FAAH2: variants seen among roughly 807,000 people sequenced by gnomAD.
FAAH2 encodes the protein fatty acid amide hydrolase 2.
Under a neutral mutation model 36.9 loss-of-function variants are expected in FAAH2, and 60 were observed. The observed-to-expected ratio is 1.63, with a 90% CI of 1.32 to 2.02. The LOEUF is 2.02. FAAH2 is among the 30% of genes most tolerant of loss of function. The probability of loss-of-function intolerance (pLI) is 0.00; values close to 1 mark genes in which losing one functional copy is unlikely to be tolerated. For synonymous variants in FAAH2, 214 were observed against 143.8 expected (o/e 1.49, Z -3.49); for missense variants, 689 against 397.5 (o/e 1.73, Z -6.23).
intron 10 of FAAH2, among the ~76,000 whole-genome samples, chrX:57,457,019 T>C (rs1438566861): frequency 9.0e-6 from 1 of 111,472 alleles, no homozygotes; most frequent in African/African-American, 3.3e-5. Context: ...CAAGTCAATA[T>C]CCCTGATGAA....
At chrX:57,147,070 C>T in the FAAH2 span, among the ~76,000 whole-genome samples, 1 of 111,397 alleles carries the variant, frequency 9.0e-6, no homozygotes, top group African/African-American at 3.3e-5. Flanking sequence ...TAGGGTGATA[C>T]TCACTTCACA....
Position 57,331,104 on chromosome X carries a change from G to A in FAAH2, c.413-494G>A, listed in dbSNP as rs1368780733. 6.3e-5 allele frequency among the ~76,000 whole-genome samples: 7 copies of A among 111,477 alleles called. No homozygotes were observed. The Admixed American group carries it at 6.7e-4, about 11-fold the overall frequency. On this transcript the variant is annotated intron_variant, in intron 3 of 10. Coordinates refer to ENST00000374900, the MANE Select transcript of FAAH2 (RefSeq NM_174912.4). Reference sequence around the variant, plus strand: ...CCTGTGGGAGCCAGTCTAGCCTAGGGGCATGGGCAACCCTTGTTGTGCTCC... The same window carrying A: ...CCTGTGGGAGCCAGTCTAGCCTAGGAGCATGGGCAACCCTTGTTGTGCTCC...
chrX:57,443,023 C>T (rs780591104), intron 8 of FAAH2, among the ~76,000 whole-genome samples: 23 of 112,023 alleles, frequency 2.1e-4, no homozygotes, highest in African/African-American at 7.1e-4. Flanking sequence ...CCCGACCTTT[C>T]TCTCTGTCTG....
At chrX:57,200,256 G>T in the FAAH2 span, among the ~76,000 whole-genome samples, 1 of 107,909 alleles carries the variant, frequency 9.3e-6, no homozygotes, top group African/African-American at 3.4e-5. Context: ...GTATGTTTTT[G>T]GTTTGGGATT....
chrX:57,249,576 A>T, the FAAH2 span, among the ~76,000 whole-genome samples: 1 of 112,051 alleles, frequency 8.9e-6, no homozygotes, highest in Non-Finnish European at 1.9e-5. Flanking sequence ...AAGTGCTGAA[A>T]AAAATCTTGT....
chrX:57,466,148 C>CTATATATATATA (rs1346302535), intron 10 of FAAH2, among the ~76,000 whole-genome samples: 1 of 78,525 alleles, frequency 1.3e-5, no homozygotes, highest in African/African-American at 5.8e-5. Context: ...CTCTCTCTCT[C>CTATATATATATA]TCTCTCTCTA....
intron 10 of FAAH2, among the ~76,000 whole-genome samples, chrX:57,463,462 T>A (rs1200773057): frequency 9.0e-6 from 1 of 111,010 alleles, no homozygotes; most frequent in Non-Finnish European, 1.9e-5. Context: ...AAAACAGATA[T>A]ATAGACCAAT....
intron 7 of FAAH2, among the ~76,000 whole-genome samples, chrX:57,416,553 G>T (rs2055848135): frequency 8.9e-6 from 1 of 111,898 alleles, no homozygotes; most frequent in Non-Finnish European, 1.9e-5. Flanking sequence ...GCTGAATATT[G>T]GCCCCCACTC....
At position 57,331,797 on chromosome X, in the gene FAAH2, T is replaced by C. The variant is rs763102326; in HGVS notation, c.612T>C (p.Gly204=). 3.3e-6 allele frequency: 4 copies of C among 1,208,604 alleles called. No homozygotes were observed. Among genetic ancestry groups the C allele is most frequent in the African/African-American group, 1.8e-5 (1 of 57,135 alleles). Residue 204 remains glycine (G), a synonymous_variant, in exon 4 of 11, where the codon GGT becomes GGC. Coordinates refer to ENST00000374900, the MANE Select transcript of FAAH2 (RefSeq NM_174912.4). ...NNPYDLQHIV[G]GSSGGEGCTL... The stretch of plus-strand genomic sequence containing the variant: ...CATATGATTTACAGCATATTGTAGG[T>C]GGAAGTTCTGGTGAGTTGGACATTT...
chrX:57,439,132 G>C (rs1041073902), intron 8 of FAAH2, among the ~76,000 whole-genome samples: 5 of 110,182 alleles, frequency 4.5e-5, no homozygotes, highest in African/African-American at 1.7e-4. Context: ...TGGGATGGCT[G>C]GGTCAAATGG....
chrX:57,332,098 G>A (rs1046551730), intron 4 of FAAH2, among the ~76,000 whole-genome samples: 1 of 112,373 alleles, frequency 8.9e-6, no homozygotes, highest in African/African-American at 3.2e-5. Flanking sequence ...GGAAAAAAAA[G>A]TGTATAGACA....
chrX:57,303,980 G>A (rs2052449818), intron 2 of FAAH2, among the ~76,000 whole-genome samples: 1 of 111,373 alleles, frequency 9.0e-6, no homozygotes, highest in African/African-American at 3.3e-5. Context: ...GCTGAGGCGG[G>A]CAGATTACCT....
intron 2 of FAAH2, among the ~76,000 whole-genome samples, chrX:57,307,374 G>T (rs1013849632): frequency 3.6e-5 from 4 of 110,107 alleles, no homozygotes; most frequent in African/African-American, 1.3e-4. Flanking sequence ...TGAGGAAACT[G>T]AAATACAGAA....
intron 4 of FAAH2, among the ~76,000 whole-genome samples, chrX:57,337,170 C>T (rs1054046481): frequency 1.9e-5 from 2 of 106,333 alleles, no homozygotes; most frequent in Non-Finnish European, 3.8e-5. Flanking sequence ...TTCCTGGAGG[C>T]ATACACTTTC....
intron 10 of FAAH2, among the ~76,000 whole-genome samples, chrX:57,453,348 C>T (rs773313704): frequency 8.9e-6 from 1 of 112,750 alleles, no homozygotes; most frequent in Non-Finnish European, 1.9e-5. Flanking sequence ...ATGAGACCCA[C>T]AAACAACAAT....
intron 10 of FAAH2, among the ~76,000 whole-genome samples, chrX:57,470,848 A>G (rs1226757412): frequency 8.9e-6 from 1 of 111,800 alleles, no homozygotes; most frequent in Non-Finnish European, 1.9e-5. Flanking sequence ...AATCCTCAAT[A>G]AAATACTGGC....
At chrX:57,135,672 T>A in the FAAH2 span, 3 of 1,084,366 alleles carry the variant, frequency 2.8e-6, no homozygotes, top group Non-Finnish European at 3.6e-6. Context: ...AAATTTGTAT[T>A]TTTTAGAGCA....
the FAAH2 span, among the ~76,000 whole-genome samples, chrX:57,184,473 G>A: frequency 8.9e-6 from 1 of 112,155 alleles, no homozygotes; most frequent in Non-Finnish European, 1.9e-5. Context: ...TCAGCCAGCC[G>A]ACACTTATGG....
At chrX:57,434,225 G>A (rs182276082) in intron 8 of FAAH2, among the ~76,000 whole-genome samples, 6 of 107,674 alleles carry the variant, frequency 5.6e-5, no homozygotes, top group Admixed American at 1.0e-4. Context: ...ACAAGCACAC[G>A]CCACAACACT....
Sources: gnomAD v4.1 joint callset for allele counts (sites outside exome capture counted in the v4.1 genomes callset) on GRCh38, gnomAD v4.1.1 for gene constraint, MANE v1.5 for transcripts, NCBI Gene and HGNC (gene_info 2026-07-23, HGNC 2026-07-21) for gene names.